The following ZNF365 variants were observed in gnomAD, a reference collection of about 807,000 sequenced individuals.
ZNF365 encodes the protein zinc finger protein 365.
A neutral mutation model predicts 35.0 loss-of-function variants in ZNF365; 22 were observed. The observed-to-expected ratio is 0.63, with a 90% CI of 0.45 to 0.90. The LOEUF (loss-of-function observed/expected upper bound fraction) is 0.90, where lower values mean the gene tolerates loss of function less well. Among genes scored for constraint, ZNF365 ranks in the 40% least tolerant of loss-of-function variants. The pLI is 0.00. For synonymous variants in ZNF365, 188 were observed against 196.2 expected, an observed-to-expected ratio of 0.96 and a Z score of 0.35; for missense variants, 448 against 500.3, an observed-to-expected ratio of 0.90 and a Z score of 1.00.
At chr10:62,474,817 C>G (rs1166328045) in intron 4 of ZNF365, among the ~76,000 whole-genome samples, 1 of 152,198 alleles carries the variant, frequency 6.6e-6, no homozygotes, top group East Asian at 1.9e-4. Context: ...ATGGGGCCTT[C>G]TGGAGTTCAC....
intron 3 of ZNF365, among the ~76,000 whole-genome samples, chr10:62,428,438 G>T (rs976516068): frequency 6.6e-6 from 1 of 152,078 alleles, no homozygotes; most frequent in Non-Finnish European, 1.5e-5. Context: ...GTTTTATAAG[G>T]GGCCTCCCCC....
Position 62,400,308 on chromosome 10 carries a change from G to A in ZNF365, c.*519G>A, listed in dbSNP as rs1448548826. The A allele has an allele frequency of 3.0e-6, 3 of 986,486 alleles. No individual in the cohort carries two copies. The highest frequency in any genetic ancestry group is 1.1e-4 in the East Asian group (1 of 8,970). The allele number at this position is 986,486 out of a possible 1,614,324, so 61.1% of individuals were successfully genotyped here. A position where few individuals can be genotyped will look rare whatever the true frequency, so the allele number is the denominator to read the frequency against. Reference sequence around the variant, plus strand: ...TCCAAAATAAGGATTCCCATTCCCCGAGTATTCTGGTTAATCAAGATTTCA... The same window carrying A: ...TCCAAAATAAGGATTCCCATTCCCCAAGTATTCTGGTTAATCAAGATTTCA... On this transcript the variant is annotated 3_prime_UTR_variant, in exon 5 of 5. Coordinates refer to ENST00000395254, the MANE Select transcript of ZNF365 (RefSeq NM_014951.3).
chr10:62,392,170 C>T (rs1015851268), intron 3 of ZNF365, among the ~76,000 whole-genome samples: 1 of 152,112 alleles, frequency 6.6e-6, no homozygotes, highest in Non-Finnish European at 1.5e-5. Context: ...GTATAAATTA[C>T]GAAGATTTTC....
intron 2 of ZNF365, among the ~76,000 whole-genome samples, chr10:62,387,992 T>C (rs1839552093): frequency 6.6e-6 from 1 of 152,228 alleles, no homozygotes; most frequent in African/African-American, 2.4e-5. Flanking sequence ...CAGACCCATC[T>C]GCTGTCCCTG....
chr10:62,416,259 A>G (rs1175768386), intron 3 of ZNF365, among the ~76,000 whole-genome samples: 1 of 151,924 alleles, frequency 6.6e-6, no homozygotes, highest in Non-Finnish European at 1.5e-5. Flanking sequence ...AAAAAAAACG[A>G]TGAAACTAAA....
downstream of ZNF365, among the ~76,000 whole-genome samples, chr10:62,405,934 G>A (rs1432161570): frequency 6.6e-6 from 1 of 152,130 alleles, no homozygotes; most frequent in Non-Finnish European, 1.5e-5. Flanking sequence ...CTTTAAGTGT[G>A]CCTGTAGCTT....
chr10:62,452,794 G>A (rs1033124922), intron 3 of ZNF365, among the ~76,000 whole-genome samples: 3 of 152,222 alleles, frequency 2.0e-5, no homozygotes, highest in African/African-American at 4.8e-5. Flanking sequence ...AGTTTGAAAA[G>A]CACTGGTCAT....
At position 62,442,981 on chromosome 10, in the gene ZNF365, T is replaced by C. The variant is rs535523246; in HGVS notation, c.925-16760T>C. Among the ~76,000 whole-genome samples, 9 of 152,186 alleles carry C rather than the reference T, an allele frequency of 5.9e-5. No individual in the cohort carries two copies. The South Asian group carries it at 8.3e-4, about 14-fold the overall frequency. On this transcript the variant is annotated intron_variant, in intron 3 of 4. Transcript: ENST00000395255. The stretch of plus-strand genomic sequence containing the variant: ...AACCCCAGAAACAGAACAGATTCAA[T>C]TGTCCGTCGCATACAGGGATGCACT...
downstream of ZNF365, among the ~76,000 whole-genome samples, chr10:62,403,270 A>T (rs10821992): frequency 0.61 from 93,200 of 152,030 alleles, 29,161 homozygotes; most frequent in East Asian, 0.76. Flanking sequence ...ATCATAGAGG[A>T]CTTCATCGTC....
At chr10:62,466,314 A>T (rs1357398748) in intron 4 of ZNF365, among the ~76,000 whole-genome samples, 3 of 152,152 alleles carry the variant, frequency 2.0e-5, no homozygotes, top group African/African-American at 7.2e-5. Flanking sequence ...GCAGCCTCAC[A>T]TGAAGCCAGT....
chr10:62,402,482 T>C (rs1385451689), downstream of ZNF365: 6 of 984,712 alleles, frequency 6.1e-6, no homozygotes, highest in South Asian at 2.3e-4. Flanking sequence ...GTTGGAGTGT[T>C]TTTTGGGGAG....
rs570616178 is a variant in ZNF365 at position 62,444,788 on chromosome 10, A to G, written c.925-14953A>G. Among the ~76,000 whole-genome samples, 14 of 152,124 alleles carry G rather than the reference A, an allele frequency of 9.2e-5. No homozygotes were observed. The East Asian group carries it at 2.7e-3, about 29-fold the overall frequency. ...TTTTATTTTATTTTATTTTATTATT[A>G]TTATACTTTAAGTTTTAGGATACAT... On this transcript the variant is annotated intron_variant, in intron 3 of 4. Transcript: ENST00000395255.
At chr10:62,454,547 G>C (rs900345462) in intron 3 of ZNF365, among the ~76,000 whole-genome samples, 14 of 151,906 alleles carry the variant, frequency 9.2e-5, no homozygotes, top group African/African-American at 3.1e-4. Context: ...CATGAACCAA[G>C]AAAGCTTGAG....
Position 62,440,803 on chromosome 10 carries a change from TTTACTCACTTGTGAA to T in ZNF365, c.925-18932_925-18918del, listed in dbSNP as rs1448463163. ...AAGTACACCCAGGAATCACTTGTGA[TTTACTCACTTGTGAA>T]TTACTGCCTCAGTGCCTGGCAAAGT... On this transcript the variant is annotated intron_variant, in intron 3 of 4. Coordinates refer to the ZNF365 transcript ENST00000395255. Among the ~76,000 whole-genome samples the T allele has an allele frequency of 2.0e-5, 3 of 152,336 alleles. No individual in the cohort carries two copies. The East Asian group carries it at 5.8e-4, about 29-fold the overall frequency.
Position 62,433,778 on chromosome 10 carries a change from T to C in ZNF365, c.925-25963T>C, listed in dbSNP as rs545341612. Among the ~76,000 whole-genome samples, 59 of 152,344 alleles carry C rather than the reference T, an allele frequency of 3.9e-4. No individual in the cohort carries two copies. In the South Asian group the frequency reaches 9.3e-3, roughly 24 times the overall value. On this transcript the variant is annotated intron_variant, in intron 3 of 4. Transcript: ENST00000395255. Reference sequence around the variant, plus strand: ...AAAATGTTTTCACAACAAGGAAATATTGAAATAAGTCAGCTAACATTTTCA... The same window carrying C: ...AAAATGTTTTCACAACAAGGAAATACTGAAATAAGTCAGCTAACATTTTCA...
At position 62,388,495 on chromosome 10, in the gene ZNF365, G is replaced by T; in HGVS notation, c.843G>T (p.Arg281=). The T allele has an allele frequency of 1.9e-6, 3 of 1,614,210 alleles. No individual in the cohort carries two copies. Among genetic ancestry groups the T allele is most frequent in the Non-Finnish European group, 2.5e-6 (3 of 1,180,040 alleles). The stretch of plus-strand genomic sequence containing the variant: ...ACTTTATTGAGAATCTGTTACAGCG[G>T]GTAGAACTGGCGGAGAAGCAGCTTG... ...LQDFIENLLQ[R]VELAEKQLEY... The change falls in exon 3 of 5, where the codon CGG becomes CGT. Residue 281 remains arginine (R), a synonymous_variant. Transcript: ENST00000395254.
exon 5 of ZNF365, chr10:62,480,138 C>T: frequency 4.6e-6 from 6 of 1,293,974 alleles, no homozygotes; most frequent in Non-Finnish European, 5.9e-6. Context: ...GCACAGCCCA[C>T]CCCTCATGCT....
At chr10:62,384,365 A>G (rs904555816) in intron 2 of ZNF365, among the ~76,000 whole-genome samples, 4 of 152,124 alleles carry the variant, frequency 2.6e-5, no homozygotes, top group African/African-American at 9.7e-5. Flanking sequence ...AGTCACTTTT[A>G]ACTAGCTTTG....
intron 3 of ZNF365, among the ~76,000 whole-genome samples, chr10:62,451,145 C>T (rs558841285): frequency 5.3e-5 from 8 of 152,264 alleles, no homozygotes; most frequent in Non-Finnish European, 8.8e-5. Flanking sequence ...CAAACTCGTG[C>T]GTGTGAGATG....
Sources: gnomAD v4.1 joint callset for allele counts (sites outside exome capture counted in the v4.1 genomes callset) on GRCh38, gnomAD v4.1.1 for gene constraint, MANE v1.5 for transcripts, NCBI Gene and HGNC (gene_info 2026-07-23, HGNC 2026-07-21) for gene names.